The following PLEKHM3 variants were observed in gnomAD, a reference collection of about 807,000 sequenced individuals.
The protein encoded by PLEKHM3 is pleckstrin homology domain-containing family M member 3.
PLEKHM3 carries 45 observed loss-of-function variants against 81.8 expected under a neutral mutation model. That is an observed-to-expected ratio of 0.55 (90% CI 0.43 to 0.71). The LOEUF (loss-of-function observed/expected upper bound fraction) is 0.71, where lower values mean the gene tolerates loss of function less well. Ranked by LOEUF, PLEKHM3 falls within the 30% of genes least tolerant of loss-of-function variation. The pLI is 0.00. For synonymous variants in PLEKHM3, 352 were observed against 356.4 expected, an observed-to-expected ratio of 0.99 and a Z score of 0.14; for missense variants, 788 against 924.3, an observed-to-expected ratio of 0.85 and a Z score of 1.91.
chr2:207,872,941 A>G (rs1044787917), intron 6 of PLEKHM3, among the ~76,000 whole-genome samples: 1 of 151,976 alleles, frequency 6.6e-6, no homozygotes, highest in African/African-American at 2.4e-5. Context: ...AAACAAAGCA[A>G]CTCCCTGTAT....
At chr2:207,886,194 T>G (rs1687879657) in intron 6 of PLEKHM3, among the ~76,000 whole-genome samples, 1 of 152,174 alleles carries the variant, frequency 6.6e-6, no homozygotes, top group Non-Finnish European at 1.5e-5. Context: ...ACTAAATATA[T>G]GTGATATTAT....
At chr2:208,009,067 G>C (rs1388693667) in intron 1 of PLEKHM3, among the ~76,000 whole-genome samples, 5 of 152,224 alleles carry the variant, frequency 3.3e-5, no homozygotes, top group South Asian at 2.1e-4. Context: ...CCTACTATGG[G>C]GGGGACACTG....
intron 1 of PLEKHM3, among the ~76,000 whole-genome samples, chr2:208,004,419 A>C (rs1692427292): frequency 3.4e-5 from 1 of 29,754 alleles, no homozygotes; most frequent in Admixed American, 6.0e-4. Flanking sequence ...CCCTGTCTCA[A>C]AAAAAAAAAA....
chr2:207,839,873 G>A (rs1011797918), intron 7 of PLEKHM3, among the ~76,000 whole-genome samples: 11 of 152,190 alleles, frequency 7.2e-5, no homozygotes, highest in Non-Finnish European at 1.6e-4. Context: ...GCTGCCGTGA[G>A]CCGTGATGGT....
At chr2:207,975,632 C>T (rs113549942) in intron 3 of PLEKHM3, among the ~76,000 whole-genome samples, 2,909 of 140,408 alleles carry the variant, frequency 0.021, 110 homozygotes, top group African/African-American at 0.077. Context: ...GCTCTGTCGC[C>T]CAGGCTGGAG....
intron 5 of PLEKHM3, among the ~76,000 whole-genome samples, chr2:207,912,963 C>T (rs913914508): frequency 1.1e-4 from 16 of 152,260 alleles, no homozygotes; most frequent in African/African-American, 2.2e-4. Context: ...GTGTGGGCCC[C>T]GGCAGCTTCC....
intron 7 of PLEKHM3, among the ~76,000 whole-genome samples, chr2:207,847,549 C>T (rs2092390650): frequency 6.6e-6 from 1 of 152,158 alleles, no homozygotes; most frequent in Admixed American, 6.6e-5. Context: ...GTTTCCCACC[C>T]CCAAAATGTC....
At chr2:207,972,913 T>C (rs1691177786) in intron 3 of PLEKHM3, among the ~76,000 whole-genome samples, 1 of 152,220 alleles carries the variant, frequency 6.6e-6, no homozygotes, top group African/African-American at 2.4e-5. Context: ...AGCCAACATT[T>C]GTGGCTCCCC....
chr2:207,982,813 C>T (rs1214090157), intron 2 of PLEKHM3, among the ~76,000 whole-genome samples: 5 of 151,562 alleles, frequency 3.3e-5, no homozygotes, highest in Non-Finnish European at 5.9e-5. Flanking sequence ...CTCCTGACCT[C>T]GTGATCTGCT....
At chr2:207,975,891 C>G (rs1691292460) in intron 3 of PLEKHM3, among the ~76,000 whole-genome samples, 1 of 138,096 alleles carries the variant, frequency 7.2e-6, no homozygotes, top group African/African-American at 2.8e-5. Flanking sequence ...GCCACTGCAC[C>G]TGGCACAATT....
chr2:207,952,800 T>C (rs567779915), intron 3 of PLEKHM3, among the ~76,000 whole-genome samples: 2 of 152,258 alleles, frequency 1.3e-5, no homozygotes, highest in South Asian at 4.1e-4. Context: ...AGTCTGAAGT[T>C]AACATGGTGA....
intron 3 of PLEKHM3, among the ~76,000 whole-genome samples, chr2:207,975,209 C>T (rs942014811): frequency 6.6e-6 from 1 of 152,074 alleles, no homozygotes; most frequent in Non-Finnish European, 1.5e-5. Context: ...TCACTGAGGC[C>T]CTTGAGTCAA....
At chr2:207,998,310 C>T (rs1223022852) in intron 2 of PLEKHM3, among the ~76,000 whole-genome samples, 1 of 152,104 alleles carries the variant, frequency 6.6e-6, no homozygotes, top group East Asian at 1.9e-4. Flanking sequence ...TTGAGACCAG[C>T]CTGGGCAACA....
chr2:207,934,572 A>AC (rs1432908671), intron 4 of PLEKHM3, among the ~76,000 whole-genome samples: 7 of 152,210 alleles, frequency 4.6e-5, no homozygotes, highest in African/African-American at 1.7e-4. Context: ...CAGTTTGTGA[A>AC]CTGATTCTTT....
At chr2:207,922,443 T>G (rs1260864036) in intron 5 of PLEKHM3, among the ~76,000 whole-genome samples, 1 of 152,214 alleles carries the variant, frequency 6.6e-6, no homozygotes, top group Non-Finnish European at 1.5e-5. Flanking sequence ...ATTTTAGGTT[T>G]TGAGGACAAT....
chr2:207,979,028 T>C (rs1231370797), intron 2 of PLEKHM3, among the ~76,000 whole-genome samples: 1 of 152,196 alleles, frequency 6.6e-6, no homozygotes, highest in Non-Finnish European at 1.5e-5. Context: ...AGTAGGTACT[T>C]AATAAGTACT....
At chr2:207,904,115 T>C (rs1451342840) in intron 6 of PLEKHM3, among the ~76,000 whole-genome samples, 1 of 152,228 alleles carries the variant, frequency 6.6e-6, no homozygotes, top group East Asian at 1.9e-4. Context: ...ACTTCCTTTA[T>C]AAGGAAGTAC....
intron 7 of PLEKHM3, 22 bp from the exon 8 acceptor site, chr2:207,828,518 A>G: frequency 6.2e-7 from 1 of 1,609,916 alleles, no homozygotes; most frequent in Non-Finnish European, 8.5e-7. Context: ...AACCATGGAT[A>G]TGATGAGCAA....
At chr2:207,854,626 T>G (rs181656695) in intron 7 of PLEKHM3, among the ~76,000 whole-genome samples, 1 of 152,204 alleles carries the variant, frequency 6.6e-6, no homozygotes, top group Non-Finnish European at 1.5e-5. Context: ...ACTCTTGGTG[T>G]TTAACTGGAA....
Sources: allele counts gnomAD v4.1 joint callset (sites outside exome capture counted in the v4.1 genomes callset), GRCh38; gene constraint gnomAD v4.1.1; transcripts MANE v1.5; gene names NCBI Gene and HGNC (gene_info 2026-07-23, HGNC 2026-07-21).